GREB1L: variants seen among roughly 807,000 people sequenced by gnomAD.
The protein encoded by GREB1L is GREB1-like protein.
GREB1L carries 17 observed loss-of-function variants against 200.8 expected under a neutral mutation model. That is an observed-to-expected ratio of 0.08 (90% CI 0.06 to 0.13). The LOEUF (loss-of-function observed/expected upper bound fraction) is 0.13. Ranked by LOEUF, GREB1L falls within the 10% of genes least tolerant of loss-of-function variation. The pLI is 1.00. For synonymous variants in GREB1L, 789 were observed against 893.0 expected (o/e 0.88, Z 2.08); for missense variants, 1,657 against 2,367.7 (o/e 0.70, Z 6.23).
chr18:21,482,642 A>ATTTTTTTTT (rs35313539), intron 17 of GREB1L, among the ~76,000 whole-genome samples: 1 of 118,100 alleles, frequency 8.5e-6, no homozygotes, highest in Non-Finnish European at 1.7e-5. Context: ...TAGATTACAG[A>ATTTTTTTTT]TTTTTTTTTT....
chr18:21,459,485 C>A (rs1452393218), intron 15 of GREB1L, among the ~76,000 whole-genome samples: 3 of 151,676 alleles, frequency 2.0e-5, no homozygotes, highest in Non-Finnish European at 2.9e-5. Context: ...AGGGTTTCAC[C>A]ATGTTGGCCA....
intron 1 of GREB1L, among the ~76,000 whole-genome samples, chr18:21,276,886 T>C (rs2144364613): frequency 6.6e-6 from 1 of 151,298 alleles, no homozygotes; most frequent in Non-Finnish European, 1.5e-5. Flanking sequence ...TTCTCACCAA[T>C]TGTCCTACAC....
chr18:21,436,937 C>T (rs2033586052), intron 7 of GREB1L, among the ~76,000 whole-genome samples: 1 of 152,032 alleles, frequency 6.6e-6, no homozygotes, highest in South Asian at 2.1e-4. Flanking sequence ...TCTCAAACTC[C>T]TGGAGTCAAG....
At chr18:21,499,128 T>C (rs969430414) in intron 21 of GREB1L, among the ~76,000 whole-genome samples, 2 of 151,998 alleles carry the variant, frequency 1.3e-5, no homozygotes, top group Non-Finnish European at 2.9e-5. Flanking sequence ...ATGGAAGGGG[T>C]TGCAGTCTGG....
intron 32 of GREB1L, among the ~76,000 whole-genome samples, chr18:21,521,539 CTTATTTAT>C (rs552940717): frequency 1.8e-3 from 268 of 152,138 alleles, no homozygotes; most frequent in Non-Finnish European, 3.0e-3. Flanking sequence ...CATTCATTCA[CTTATTTAT>C]TTATTTATTT....
At position 21,514,265 on chromosome 18, in the gene GREB1L, C is replaced by T. The variant is rs137976133; in HGVS notation, c.4901+279C>T. On this transcript the variant is annotated intron_variant, in intron 28 of 32. Coordinates refer to ENST00000424526, the MANE Select transcript of GREB1L (RefSeq NM_001142966.3). ...GGCACAGTGGCTCATGCCTGTAATT[C>T]CAGCACTTTGAGAGGCCAAGGCGGG... Among the ~76,000 whole-genome samples the T allele has an allele frequency of 6.1e-3, 931 of 152,312 alleles. 4 individuals carry two copies. The highest frequency in any genetic ancestry group is 0.011 in the Non-Finnish European group (720 of 68,020).
At chr18:21,360,551 CAT>C (rs1174303950) in intron 1 of GREB1L, among the ~76,000 whole-genome samples, 1 of 152,168 alleles carries the variant, frequency 6.6e-6, no homozygotes, top group African/African-American at 2.4e-5. Flanking sequence ...AAATGAAATA[CAT>C]ATATCTTTGC....
chr18:21,382,570 C>A (rs1375280348), intron 2 of GREB1L, among the ~76,000 whole-genome samples: 2 of 150,612 alleles, frequency 1.3e-5, no homozygotes, highest in East Asian at 4.0e-4. Context: ...CGGCTTACTG[C>A]AACCTCCGCC....
At chr18:21,394,931 T>TAAA (rs745423470) in intron 4 of GREB1L, among the ~76,000 whole-genome samples, 1 of 82,654 alleles carries the variant, frequency 1.2e-5, no homozygotes, top group Non-Finnish European at 2.3e-5. Context: ...CCATCTCTAC[T>TAAA]AAAAAAAAAA....
At chr18:21,472,227 G>A (rs566075864) in intron 15 of GREB1L, among the ~76,000 whole-genome samples, 1 of 152,260 alleles carries the variant, frequency 6.6e-6, no homozygotes, top group African/African-American at 2.4e-5. Context: ...TAAAAGAAAA[G>A]ACAGATAAAA....
intron 27 of GREB1L, among the ~76,000 whole-genome samples, chr18:21,510,476 G>C (rs764875945): frequency 2.6e-4 from 39 of 152,140 alleles, no homozygotes; most frequent in Non-Finnish European, 4.7e-4. Context: ...ATCTCACTTA[G>C]CATGTCCTCA....
intron 1 of GREB1L, among the ~76,000 whole-genome samples, chr18:21,307,673 C>T (rs1471598031): frequency 1.3e-5 from 2 of 152,118 alleles, no homozygotes; most frequent in Non-Finnish European, 2.9e-5. Flanking sequence ...ACCCGGGAGG[C>T]TGTCTGTGAG....
intron 7 of GREB1L, among the ~76,000 whole-genome samples, chr18:21,414,615 T>C (rs1420290916): frequency 6.6e-6 from 1 of 152,170 alleles, no homozygotes; most frequent in Non-Finnish European, 1.5e-5. Flanking sequence ...ACAATTATAT[T>C]TGGCAATTAC....
rs1176869750 is a variant in GREB1L, at chr18:21,515,447, G to C, written c.4932G>C (p.Lys1644Asn). The change falls in exon 29 of 33, where the codon AAG (lysine) becomes AAC (asparagine). Residue 1644 changes from lysine (K) to asparagine (N), a missense_variant. Around this residue, in one of 9 missense-constraint regions of GREB1L, gnomAD observed 151 missense variants for 309.6 expected, o/e 0.49. Transcript: ENST00000424526. ...SQPMEVGVSSKNVSLKTVLQH... is the reference protein window; with the variant it reads ...SQPMEVGVSSNNVSLKTVLQH... The stretch of plus-strand genomic sequence containing the variant: ...CCATGGAAGTAGGAGTTTCCAGTAA[G>C]AATGTGTCCTTGAAGACTGTCTTGC... 1 of 1,551,446 alleles carries C rather than the reference G, an allele frequency of 6.4e-7. No individual in the cohort carries two copies. The highest frequency in any genetic ancestry group is 2.0e-5 in the Admixed American group (1 of 50,972).
At chr18:21,380,545 T>C (rs186059948) in intron 2 of GREB1L, 1 of 152,366 alleles carries the variant, frequency 6.6e-6, no homozygotes, top group East Asian at 1.9e-4. Flanking sequence ...GGTGAGGCTG[T>C]ACAGTAAGAG....
chr18:21,394,128 C>T (rs1388663080), intron 4 of GREB1L, among the ~76,000 whole-genome samples: 2 of 152,202 alleles, frequency 1.3e-5, no homozygotes, highest in Admixed American at 6.5e-5. Context: ...GCCATGCTCT[C>T]CTTGGCTCCA....
chr18:21,501,999 G>A (rs535606163), intron 23 of GREB1L, among the ~76,000 whole-genome samples: 3 of 152,272 alleles, frequency 2.0e-5, no homozygotes, highest in South Asian at 4.1e-4. Flanking sequence ...AGTAGCTCAC[G>A]CCTGTAATCC....
chr18:21,471,307 A>C (rs1322672170), intron 15 of GREB1L, among the ~76,000 whole-genome samples: 1 of 152,248 alleles, frequency 6.6e-6, no homozygotes, highest in African/African-American at 2.4e-5. Context: ...AAGGATAGAC[A>C]GGAAATACAG....
At chr18:21,277,360 G>C (rs28363945) in intron 1 of GREB1L, among the ~76,000 whole-genome samples, 4,397 of 152,238 alleles carry the variant, frequency 0.029, 228 homozygotes, top group African/African-American at 0.098. Flanking sequence ...TTTCATCCTT[G>C]TCTTCTTGGA....
Sources: allele counts gnomAD v4.1 joint callset (sites outside exome capture counted in the v4.1 genomes callset), GRCh38; gene constraint gnomAD v4.1.1; regional missense constraint gnomAD v4.1.1; transcripts MANE v1.5; gene names NCBI Gene and HGNC (gene_info 2026-07-23, HGNC 2026-07-21).